ERG: variants seen among roughly 807,000 people sequenced by gnomAD.
ERG encodes the protein transcriptional regulator ERG.
Under a neutral mutation model 55.3 loss-of-function variants are expected in ERG, and 9 were observed. That is an observed-to-expected ratio of 0.16 (90% CI 0.10 to 0.28). The LOEUF (loss-of-function observed/expected upper bound fraction) is 0.28. Among genes scored for constraint, ERG ranks in the 10% least tolerant of loss-of-function variants. ERG has a pLI of 1.00. For missense variants in ERG, 434 were observed against 631.6 expected (o/e 0.69, Z 3.35); for synonymous variants, 223 against 237.3 (o/e 0.94, Z 0.55).
chr21:38,525,695 C>T (rs1371232570), intron 2 of ERG, among the ~76,000 whole-genome samples: 1 of 152,188 alleles, frequency 6.6e-6, no homozygotes, highest in Non-Finnish European at 1.5e-5. Flanking sequence ...GGAGAGGCAC[C>T]TGCATATCTG....
At chr21:38,661,705 CGTCCCGGAGCGATCTCTAGGAACCT>C (rs2060558110), upstream of ERG, 1 of 152,256 alleles carries the variant, frequency 6.6e-6, no homozygotes, top group South Asian at 2.1e-4. Flanking sequence ...CCGTCACGAC[CGTCCCGGAGCGATCTCTAGGAACCT>C]GTCCCGCAGC....
intron 1 of ERG, among the ~76,000 whole-genome samples, chr21:38,638,499 C>T (rs532018705): frequency 1.3e-5 from 2 of 152,250 alleles, no homozygotes; most frequent in South Asian, 4.2e-4. Flanking sequence ...GGGCTTACCT[C>T]TAGAATAATA....
At chr21:38,427,583 T>A (rs781395848) in intron 2 of ERG, among the ~76,000 whole-genome samples, 1 of 152,144 alleles carries the variant, frequency 6.6e-6, no homozygotes, top group Non-Finnish European at 1.5e-5. Context: ...TCAGTGCGGG[T>A]GGCCCGAACT....
chr21:38,385,175 T>C (rs1440693967), intron 9 of ERG, among the ~76,000 whole-genome samples: 7 of 152,216 alleles, frequency 4.6e-5, no homozygotes, highest in Non-Finnish European at 7.3e-5. Context: ...TACTTGAAGA[T>C]AGTTTATGGC....
chr21:38,524,444 A>G (rs991802488), intron 2 of ERG, among the ~76,000 whole-genome samples: 2 of 152,236 alleles, frequency 1.3e-5, no homozygotes, highest in East Asian at 1.9e-4. Flanking sequence ...TTTTCGGACT[A>G]TTAGTCAACA....
intron 2 of ERG, among the ~76,000 whole-genome samples, chr21:38,545,299 C>A (rs2059781092): frequency 6.6e-6 from 1 of 152,218 alleles, no homozygotes; most frequent in Non-Finnish European, 1.5e-5. Flanking sequence ...ACCTCCCACT[C>A]TTGGGATTTC....
At chr21:38,398,395 A>G (rs1988329250) in intron 6 of ERG, among the ~76,000 whole-genome samples, 1 of 152,198 alleles carries the variant, frequency 6.6e-6, no homozygotes, top group Non-Finnish European at 1.5e-5. Context: ...AATTCTTTAC[A>G]GGTCAGATAC....
At chr21:38,405,372 A>G (rs960302295) in intron 3 of ERG, among the ~76,000 whole-genome samples, 9 of 152,180 alleles carry the variant, frequency 5.9e-5, no homozygotes, top group Admixed American at 5.2e-4. Flanking sequence ...CAATTTATTT[A>G]GTGAATGTCC....
chr21:38,545,125 C>T (rs750568212), intron 2 of ERG, among the ~76,000 whole-genome samples: 3 of 152,116 alleles, frequency 2.0e-5, no homozygotes, highest in Admixed American at 1.3e-4. Flanking sequence ...TTCATTCACT[C>T]CTAATTCACT....
At chr21:38,427,857 G>A (rs533868854) in intron 2 of ERG, among the ~76,000 whole-genome samples, 11 of 152,096 alleles carry the variant, frequency 7.2e-5, no homozygotes, top group African/African-American at 2.7e-4. Context: ...AGTGATTCCT[G>A]GAGAAGAAAA....
intron 1 of ERG, chr21:38,471,895 G>C (rs984198398): frequency 1.3e-5 from 2 of 152,190 alleles, no homozygotes; most frequent in African/African-American, 4.8e-5. Flanking sequence ...ATTACTTTCA[G>C]GTTTTTCAAT....
intron 2 of ERG, among the ~76,000 whole-genome samples, chr21:38,431,704 T>C (rs540925508): frequency 1.3e-5 from 2 of 152,324 alleles, no homozygotes; most frequent in East Asian, 1.9e-4. Flanking sequence ...TACAAACCAG[T>C]TATTCAGCAG....
chr21:38,455,118 CTT>C (rs34764983), intron 1 of ERG, among the ~76,000 whole-genome samples: 43,720 of 103,938 alleles, frequency 0.42, 6,976 homozygotes, highest in East Asian at 0.63. Flanking sequence ...TTCTTTCTTT[CTT>C]TTTTTTTTTT....
intron 2 of ERG, among the ~76,000 whole-genome samples, chr21:38,563,004 T>C (rs561402884): frequency 1.1e-4 from 16 of 152,320 alleles, no homozygotes; most frequent in African/African-American, 3.6e-4. Context: ...CACATTACTA[T>C]ACCAGATAAG....
chr21:38,429,830 G>A (rs1249803938), intron 2 of ERG, among the ~76,000 whole-genome samples: 5 of 152,078 alleles, frequency 3.3e-5, no homozygotes, highest in Admixed American at 1.3e-4. Context: ...TTGCAATTGC[G>A]AATTGTGCTG....
At chr21:38,430,002 T>G (rs1406278014) in intron 2 of ERG, among the ~76,000 whole-genome samples, 1 of 152,228 alleles carries the variant, frequency 6.6e-6, no homozygotes, top group Non-Finnish European at 1.5e-5. Flanking sequence ...CATGCTGTTT[T>G]CCATAGTGGT....
At chr21:38,603,356 C>T (rs1164773493) in intron 1 of ERG, among the ~76,000 whole-genome samples, 1 of 152,070 alleles carries the variant, frequency 6.6e-6, no homozygotes, top group Admixed American at 6.5e-5. Flanking sequence ...CACGGTGGCT[C>T]ACGCCTGTAA....
chr21:38,411,469 G>A lies in ERG; in HGVS notation c.389-7760C>T, dbSNP rs1030842410. ...GATTACAGGCACCCACCACCATCGT[G>A]GCTAATTTTTGTATTTTTAATAGAG... On this transcript the variant is annotated intron_variant, in intron 3 of 9. Coordinates refer to ENST00000288319, the MANE Select transcript of ERG (RefSeq NM_182918.4). Among the ~76,000 whole-genome samples the A allele has an allele frequency of 1.7e-4, 26 of 152,052 alleles. 1 individual carries two copies. Among genetic ancestry groups the A allele is most frequent in the East Asian group, 1.9e-4 (1 of 5,176 alleles).
At chr21:38,503,652 G>A (rs2059437930) in intron 2 of ERG, among the ~76,000 whole-genome samples, 1 of 152,268 alleles carries the variant, frequency 6.6e-6, no homozygotes, top group East Asian at 1.9e-4. Context: ...TAGGACAAAA[G>A]TGCTGTATAT....
Sources: gnomAD v4.1 joint callset for allele counts (sites outside exome capture counted in the v4.1 genomes callset) on GRCh38, gnomAD v4.1.1 for gene constraint, MANE v1.5 for transcripts, NCBI Gene and HGNC (gene_info 2026-07-23, HGNC 2026-07-21) for gene names.